The following CEMIP variants were observed in gnomAD, a reference collection of about 807,000 sequenced individuals.
CEMIP encodes the protein cell migration inducing hyaluronidase 1, also known as cell migration-inducing and hyaluronan-binding protein.
A neutral mutation model predicts 156.9 loss-of-function variants in CEMIP; 105 were observed. The observed-to-expected ratio is 0.67, with a 90% CI of 0.57 to 0.79. The LOEUF (loss-of-function observed/expected upper bound fraction) is 0.79, where lower values mean the gene tolerates loss of function less well. Among genes scored for constraint, CEMIP ranks in the 30% least tolerant of loss-of-function variants. The pLI is 0.00. For missense variants in CEMIP, 1,457 were observed against 1,769.4 expected (o/e 0.82, Z 3.17); for synonymous variants, 676 against 668.4 (o/e 1.01, Z -0.17).
chr15:80,946,880 C>A, intron 28 of CEMIP, 85 bp from the exon 29 acceptor site: 1 of 880,550 alleles, frequency 1.1e-6, no homozygotes, highest in Non-Finnish European at 1.9e-6. Context: ...TCCAGTCCCA[C>A]CATGCACAAA....
At chr15:80,924,433 C>A (rs1320716204) in intron 17 of CEMIP, among the ~76,000 whole-genome samples, 188 bp from the exon 18 acceptor site, 1 of 152,202 alleles carries the variant, frequency 6.6e-6, no homozygotes, top group Non-Finnish European at 1.5e-5. Flanking sequence ...CAGATTTGGT[C>A]TGAGCAATGC....
chr15:80,849,096 A>C (rs1897644413), intron 1 of CEMIP, among the ~76,000 whole-genome samples: 1 of 146,540 alleles, frequency 6.8e-6, no homozygotes, highest in Non-Finnish European at 1.5e-5. Context: ...GGTTAAAGTG[A>C]TCCTCCCACC....
rs893726688 is a variant in CEMIP, at chr15:80,875,040, T to G, written c.94+1067T>G. On this transcript the variant is annotated intron_variant, in intron 3 of 29. Transcript: ENST00000394685. ...AGTAGCATTTTTTTTTTTTTTTTTT[T>G]TTTTTTTTTTTGAGATAGGGTCTCG... Among the ~76,000 whole-genome samples, 246 of 139,962 alleles carry G rather than the reference T, an allele frequency of 1.8e-3. 1 individual carries two copies. The highest frequency in any genetic ancestry group is 6.5e-3 in the African/African-American group (241 of 37,180). 91.8% of individuals were successfully genotyped at this position (139,962 alleles called of 152,430 possible).
chr15:80,909,024 G>A, intron 13 of CEMIP, 73 bp from the exon 14 acceptor site: 1 of 1,401,616 alleles, frequency 7.1e-7, no homozygotes. Flanking sequence ...TGCATCTTTG[G>A]AATATGGGCA....
intron 12 of CEMIP, among the ~76,000 whole-genome samples, chr15:80,899,583 G>C (rs143600147): frequency 1.4e-4 from 22 of 152,298 alleles, no homozygotes; most frequent in African/African-American, 4.8e-4. Flanking sequence ...AGGGGTGCAT[G>C]AGGCGTTCCA....
rs756319292 is a variant in CEMIP at position 80,942,382 on chromosome 15, A to G, written c.3699+45A>G. On this transcript the variant is annotated intron_variant, in intron 27 of 29. Transcript: ENST00000394685. ...GGAGGATTCGGGTTTGCTCATTGAG[A>G]GGTGATACTGTGTCCTGCGGCTGCT... is the stretch of plus-strand genomic sequence containing the variant. The G allele has an allele frequency of 1.0e-5, 15 of 1,498,894 alleles. No homozygotes were observed. In the Admixed American group the frequency reaches 1.8e-4, roughly 18 times the overall value. 92.8% of individuals were successfully genotyped at this position (1,498,894 alleles called of 1,614,324 possible).
At chr15:80,907,579 A>T (rs1368302709) in intron 13 of CEMIP, among the ~76,000 whole-genome samples, 3 of 152,176 alleles carry the variant, frequency 2.0e-5, no homozygotes, top group Non-Finnish European at 4.4e-5. Context: ...ACAACAACAA[A>T]AACAAAAAGA....
chr15:80,900,646 G>C (rs891764590), intron 12 of CEMIP, among the ~76,000 whole-genome samples: 18 of 117,404 alleles, frequency 1.5e-4, no homozygotes, highest in Admixed American at 2.5e-4. Context: ...GTGTGTGTGT[G>C]TGTCTGTGTG....
At position 80,933,326 on chromosome 15, in the gene CEMIP, C is replaced by T; in HGVS notation, c.2875C>T (p.His959Tyr). Residue 959 changes from histidine to tyrosine, a missense_variant, in exon 23 of 30, where the codon CAT (histidine) becomes TAT (tyrosine). Around this residue, in one of 5 missense-constraint regions of CEMIP, gnomAD observed 798 missense variants for 980.1 expected, o/e 0.81. Transcript: ENST00000394685. ...DMDGDKTSVF[H>Y]DVDGSVSEYP... ...GGATGGGGATAAGACATCTGTGTTC[C>T]ATGACGTCGACGGCTCCGTGTCCGA... 1 of 1,614,180 alleles carries T rather than the reference C, an allele frequency of 6.2e-7. No homozygotes were observed. The highest frequency in any genetic ancestry group is 2.2e-5 in the East Asian group (1 of 44,874).
At chr15:80,829,021 C>A (rs1741496577) in intron 1 of CEMIP, among the ~76,000 whole-genome samples, 1 of 152,208 alleles carries the variant, frequency 6.6e-6, no homozygotes, top group African/African-American at 2.4e-5. Context: ...AGAACAGCTG[C>A]TAGGAGCTCA....
At position 80,852,627 on chromosome 15, in the gene CEMIP, C is replaced by T. The variant is rs114419650; in HGVS notation, c.-175-20911C>T. 8.9e-3 allele frequency among the ~76,000 whole-genome samples: 1,358 copies of T among 152,130 alleles called. 21 individuals are homozygous for T. Among genetic ancestry groups the T allele is most frequent in the African/African-American group, 0.03 (1,230 of 41,474 alleles). On this transcript the variant is annotated intron_variant, in intron 1 of 29. Coordinates refer to ENST00000394685, the MANE Select transcript of CEMIP (RefSeq NM_001293298.2). The stretch of plus-strand genomic sequence containing the variant: ...TTTAAAATATATATATATATCATTT[C>T]TTCCCATTCAAAGAAGGGTTTATGC...
intron 1 of CEMIP, among the ~76,000 whole-genome samples, chr15:80,828,063 G>A (rs754193618): frequency 6.6e-6 from 1 of 152,200 alleles, no homozygotes; most frequent in Non-Finnish European, 1.5e-5. Context: ...GAAGAAAAGT[G>A]CTTTGGTTTT....
intron 10 of CEMIP, among the ~76,000 whole-genome samples, chr15:80,892,169 C>T (rs1012487017): frequency 8.5e-5 from 13 of 152,070 alleles, no homozygotes; most frequent in Admixed American, 5.9e-4. Flanking sequence ...GTGTCATACA[C>T]AGTGGGTCCC....
chr15:80,876,559 G>A (rs1898486737), intron 3 of CEMIP, among the ~76,000 whole-genome samples: 1 of 152,246 alleles, frequency 6.6e-6, no homozygotes, highest in South Asian at 2.1e-4. Flanking sequence ...CCTGTGCTAG[G>A]GCTGACAGCA....
chr15:80,853,708 ATC>A (rs975716773), intron 1 of CEMIP, among the ~76,000 whole-genome samples: 1 of 152,220 alleles, frequency 6.6e-6, no homozygotes, highest in African/African-American at 2.4e-5. Flanking sequence ...TTGTTTTCTC[ATC>A]TCTCTGCTCC....
rs774160597 is a variant in CEMIP, at chr15:80,933,403, A to C, written c.2952A>C (p.Pro984=). The C allele has an allele frequency of 1.8e-4, 290 of 1,614,050 alleles. No individual in the cohort carries two copies. Among genetic ancestry groups the C allele is most frequent in the Non-Finnish European group, 2.4e-4 (280 of 1,180,050 alleles). ...TKNDNWLVRH[P]DCINVPDWRG... is the part of the protein sequence containing the mutation. ...ATGACAACTGGCTGGTCCGGCACCC[A>C]GACTGCATCAATGTTCCCGACTGGA... The change falls in exon 23 of 30, where the codon CCA becomes CCC. Residue 984 remains proline, a synonymous_variant. Coordinates refer to ENST00000394685, the MANE Select transcript of CEMIP (RefSeq NM_001293298.2).
chr15:80,943,103 G>A lies in CEMIP; in HGVS notation c.3857+1G>A, dbSNP rs1567113012. The A allele has an allele frequency of 1.9e-6, 3 of 1,614,210 alleles. No homozygotes were observed. The highest frequency in any genetic ancestry group is 2.5e-6 in the Non-Finnish European group (3 of 1,180,034). On this transcript the variant is annotated splice_donor_variant, in intron 28 of 29. Transcript: ENST00000394685. LOFTEE classifies it high-confidence loss of function. Reference sequence around the variant, plus strand: ...ACTATGTGGCGACCATCCCTGACAAGTGAGTCTGTACCTCTGCTTCTGGAA... The same window carrying A: ...ACTATGTGGCGACCATCCCTGACAAATGAGTCTGTACCTCTGCTTCTGGAA...
chr15:80,881,139 A>G lies in CEMIP; in HGVS notation c.617+3A>G. ...GGCACAGTCATCCATTCTGACCGGT[A>G]AGGTTTGCCTTCACTTAAACGTATA... On this transcript the variant is annotated splice_donor_region_variant and intron_variant, in intron 6 of 29. Transcript: ENST00000394685. The G allele has an allele frequency of 6.2e-7, 1 of 1,612,592 alleles. No homozygotes were observed. Among genetic ancestry groups the G allele is most frequent in the Non-Finnish European group, 8.5e-7 (1 of 1,178,606 alleles).
At chr15:80,894,467 A>G (rs1195113611) in intron 10 of CEMIP, among the ~76,000 whole-genome samples, 1 of 152,200 alleles carries the variant, frequency 6.6e-6, no homozygotes. Flanking sequence ...TTTCTTGCCC[A>G]TTAGAATCAC....
Sources: gnomAD v4.1 joint callset for allele counts (sites outside exome capture counted in the v4.1 genomes callset) on GRCh38, gnomAD v4.1.1 for gene constraint, gnomAD v4.1.1 regional missense constraint, MANE v1.5 for transcripts, NCBI Gene and HGNC (gene_info 2026-07-23, HGNC 2026-07-21) for gene names.